Variants in HAO1 observed in about 807,000 individuals in gnomAD.
HAO1 encodes the protein 2-Hydroxyacid oxidase 1.
Under a neutral mutation model 39.7 loss-of-function variants are expected in HAO1, and 34 were observed. That is an observed-to-expected ratio of 0.86 (90% CI 0.65 to 1.14). HAO1 has a LOEUF of 1.14. Among genes scored for constraint, HAO1 ranks in the 50% most tolerant of loss-of-function variants. HAO1 has a pLI of 0.00. For synonymous variants in HAO1, 172 were observed against 173.2 expected, an observed-to-expected ratio of 0.99 and a Z score of 0.05; for missense variants, 479 against 464.5, an observed-to-expected ratio of 1.03 and a Z score of -0.29.
intron 1 of HAO1, among the ~76,000 whole-genome samples, chr20:7,936,016 GAAGAAA>G: frequency 1.3e-5 from 2 of 152,080 alleles, no homozygotes; most frequent in East Asian, 3.9e-4. Flanking sequence ...GAAAAAAAAA[GAAGAAA>G]AAGAAAAAGC....
At chr20:7,918,868 T>C (rs886860370) in intron 2 of HAO1, among the ~76,000 whole-genome samples, 3 of 152,178 alleles carry the variant, frequency 2.0e-5, no homozygotes, top group African/African-American at 7.2e-5. Context: ...AAAGCACAAA[T>C]GTTTTAAGCC....
chr20:7,931,026 T>C (rs2050383339), intron 2 of HAO1, among the ~76,000 whole-genome samples: 1 of 152,142 alleles, frequency 6.6e-6, no homozygotes, highest in Admixed American at 6.5e-5. Flanking sequence ...AAATATTAAA[T>C]AGACTAATAA....
intron 4 of HAO1, among the ~76,000 whole-genome samples, chr20:7,904,649 A>G (rs1195121189): frequency 1.3e-5 from 2 of 152,180 alleles, no homozygotes; most frequent in African/African-American, 2.4e-5. Context: ...ATTGCACCCA[A>G]AATGCTTGTT....
At chr20:7,910,478 C>T (rs1226554294) in intron 3 of HAO1, among the ~76,000 whole-genome samples, 1 of 152,150 alleles carries the variant, frequency 6.6e-6, no homozygotes, top group Admixed American at 6.5e-5. Context: ...ATCAATAGGG[C>T]TGTATTTCTG....
intron 3 of HAO1, 139 bp downstream of exon 3, chr20:7,914,025 G>T: frequency 1.2e-6 from 1 of 863,634 alleles, no homozygotes; most frequent in Non-Finnish European, 1.8e-6. Context: ...CTCAAAAAAA[G>T]TGATGTCTAC....
At chr20:7,902,013 A>C (rs1013332719) in intron 4 of HAO1, among the ~76,000 whole-genome samples, 2 of 152,236 alleles carry the variant, frequency 1.3e-5, no homozygotes, top group Non-Finnish European at 1.5e-5. Flanking sequence ...TGCAATCATG[A>C]GATAAAACTT....
chr20:7,918,228 C>G (rs147244710), intron 2 of HAO1, among the ~76,000 whole-genome samples: 207 of 152,300 alleles, frequency 1.4e-3, no homozygotes, highest in African/African-American at 4.5e-3. Flanking sequence ...TCACTCTGAT[C>G]TCAATCCACT....
rs2050135967 is a variant in HAO1 at position 7,883,359 on chromosome 20, A to G, written c.*234T>C. 1 of 536,560 alleles carries G rather than the reference A, an allele frequency of 1.9e-6. No homozygotes were observed. The highest frequency in any genetic ancestry group is 3.1e-5 in the Admixed American group (1 of 32,200). The allele number at this position is 536,560 out of a possible 1,614,324, so 33.2% of individuals were successfully genotyped here. A position where few individuals can be genotyped will look rare whatever the true frequency, so the allele number is the denominator to read the frequency against. ...ACACATTTTCAATGTTTTCTTTTTA[A>G]CAGTTAATATATTTCCAGGATGAAA... is the stretch of plus-strand genomic sequence containing the variant. On this transcript the variant is annotated 3_prime_UTR_variant, in exon 8 of 8. Coordinates refer to ENST00000378789, the MANE Select transcript of HAO1 (RefSeq NM_017545.3).
intron 4 of HAO1, among the ~76,000 whole-genome samples, chr20:7,900,805 G>A (rs1338740055): frequency 6.6e-6 from 1 of 152,178 alleles, no homozygotes; most frequent in Non-Finnish European, 1.5e-5. Context: ...AAATTATTAA[G>A]CTTAGTGAGG....
chr20:7,899,486 C>T (rs1307826944), intron 4 of HAO1, among the ~76,000 whole-genome samples: 2 of 152,102 alleles, frequency 1.3e-5, no homozygotes, highest in Non-Finnish European at 2.9e-5. Context: ...GTCAAGATTA[C>T]TATGATAAAG....
At chr20:7,925,098 G>A (rs138948054) in intron 2 of HAO1, among the ~76,000 whole-genome samples, 1 of 152,246 alleles carries the variant, frequency 6.6e-6, no homozygotes, top group Non-Finnish European at 1.5e-5. Flanking sequence ...TCACATAGAC[G>A]CAGTCAACAT....
rs1189010723 is a variant in HAO1 at position 7,883,198 on chromosome 20, C to A, written c.*395G>T. ...GAACCTGAGCTTACAATTTAAGAAC[C>A]ACTGTTTTAAAGACATGTAAACAGA... On this transcript the variant is annotated 3_prime_UTR_variant, in exon 8 of 8. Coordinates refer to ENST00000378789, the MANE Select transcript of HAO1 (RefSeq NM_017545.3). 5.8e-6 allele frequency: 1 copy of A among 172,674 alleles called. No homozygotes were observed. The highest frequency in any genetic ancestry group is 1.5e-4 in the South Asian group (1 of 6,636). 10.7% of individuals were successfully genotyped at this position (172,674 alleles called of 1,614,324 possible).
chr20:7,895,344 A>G, intron 4 of HAO1, 120 bp from the exon 5 acceptor site: 1 of 665,990 alleles, frequency 1.5e-6, no homozygotes, highest in Non-Finnish European at 2.7e-6. Context: ...TGGGTCAATA[A>G]TCTTAGCATA....
At chr20:7,890,174 A>G (rs1237422217) in intron 5 of HAO1, among the ~76,000 whole-genome samples, 1 of 152,044 alleles carries the variant, frequency 6.6e-6, no homozygotes, top group African/African-American at 2.4e-5. Flanking sequence ...CCCCTCATGT[A>G]TACGACATGC....
At chr20:7,901,819 C>T (rs781202699) in intron 4 of HAO1, among the ~76,000 whole-genome samples, 3 of 152,138 alleles carry the variant, frequency 2.0e-5, no homozygotes, top group Non-Finnish European at 4.4e-5. Context: ...CCATTAAGAA[C>T]ATTTGTGATT....
At chr20:7,919,169 T>C (rs950518337) in intron 2 of HAO1, among the ~76,000 whole-genome samples, 1 of 152,192 alleles carries the variant, frequency 6.6e-6, no homozygotes, top group African/African-American at 2.4e-5. Context: ...TCTTGGCTTT[T>C]GTAATAGACG....
intron 2 of HAO1, among the ~76,000 whole-genome samples, chr20:7,933,733 A>T (rs2050397111): frequency 2.0e-5 from 3 of 152,180 alleles, no homozygotes; most frequent in African/African-American, 7.2e-5. Context: ...TCCAACTTTT[A>T]TATTAGTTTC....
At position 7,885,844 on chromosome 20, in the gene HAO1, A is replaced by T. The variant is rs756100563; in HGVS notation, c.834T>A (p.Ile278=). Residue 278 remains isoleucine (I), a synonymous_variant, in exon 6 of 8, where the codon ATT becomes ATA. Transcript: ENST00000378789. ...CCACCTTCCCTTCCACAGCCTCCAC[A>T]ATTTCTGGCAGAACATCAATCTGGG... ...VPATIDVLPE[I]VEAVEGKVEV... is the part of the protein sequence containing the mutation. 1 of 1,613,488 alleles carries T rather than the reference A, an allele frequency of 6.2e-7. No individual in the cohort carries two copies. Among genetic ancestry groups the T allele is most frequent in the Non-Finnish European group, 8.5e-7 (1 of 1,179,602 alleles).
intron 2 of HAO1, among the ~76,000 whole-genome samples, chr20:7,925,488 T>C (rs2050354929): frequency 6.6e-6 from 1 of 152,168 alleles, no homozygotes; most frequent in Non-Finnish European, 1.5e-5. Context: ...AGGGCAGAAC[T>C]CTGCAACAGA....
Sources: gnomAD v4.1 joint callset for allele counts (sites outside exome capture counted in the v4.1 genomes callset) on GRCh38, gnomAD v4.1.1 for gene constraint, MANE v1.5 for transcripts, NCBI Gene and HGNC (gene_info 2026-07-23, HGNC 2026-07-21) for gene names.